Variants in FRMD3 observed in about 807,000 individuals in gnomAD.
FRMD3 encodes FERM domain containing 3, also known as FERM domain-containing protein 3.
A neutral mutation model predicts 70.2 loss-of-function variants in FRMD3; 33 were observed. That is an observed-to-expected ratio of 0.47 (90% CI 0.36 to 0.63). FRMD3 has a LOEUF of 0.63. Ranked by LOEUF, FRMD3 falls within the 20% of genes least tolerant of loss-of-function variation. The pLI, the probability that FRMD3 is intolerant of heterozygous loss-of-function variation, is 0.00. For synonymous variants in FRMD3, 279 were observed against 255.9 expected, an observed-to-expected ratio of 1.09 and a Z score of -0.86; for missense variants, 632 against 711.4, an observed-to-expected ratio of 0.89 and a Z score of 1.27.
intron 5 of FRMD3, among the ~76,000 whole-genome samples, chr9:83,342,150 C>G (rs1041671473): frequency 6.6e-6 from 1 of 151,950 alleles, no homozygotes; most frequent in Non-Finnish European, 1.5e-5. Flanking sequence ...ATCTGAGTCC[C>G]TCCAGCTGCC....
intron 6 of FRMD3, among the ~76,000 whole-genome samples, chr9:83,320,067 T>G (rs953378024): frequency 6.6e-6 from 1 of 152,234 alleles, no homozygotes; most frequent in East Asian, 1.9e-4. Flanking sequence ...GTAGCGATTT[T>G]AGGGTTTTCT....
At chr9:83,344,902 G>C (rs3860901) in intron 4 of FRMD3, among the ~76,000 whole-genome samples, 1 of 151,226 alleles carries the variant, frequency 6.6e-6, no homozygotes, top group African/African-American at 2.4e-5. Context: ...ACTAATAAAC[G>C]TCTCTAGCGC....
chr9:83,399,784 C>G (rs1028687155), intron 1 of FRMD3, among the ~76,000 whole-genome samples: 1 of 152,104 alleles, frequency 6.6e-6, no homozygotes, highest in Non-Finnish European at 1.5e-5. Context: ...TGATAAAGAA[C>G]GTCTACCACA....
chr9:83,544,732 T>C, the FRMD3 span, among the ~76,000 whole-genome samples: 2 of 152,146 alleles, frequency 1.3e-5, no homozygotes, highest in Non-Finnish European at 1.5e-5. Flanking sequence ...ACACCACTAC[T>C]ACAACCAGCA....
chr9:83,298,744 T>A lies in FRMD3; in HGVS notation c.1070+4A>T, dbSNP rs1301712885. ...CCTGGAACCCACAGTGATCATCCAC[T>A]CACCTGTGCACCTCAGGAGGCTCCC... On this transcript the variant is annotated splice_donor_region_variant and intron_variant, in intron 12 of 13. Coordinates refer to ENST00000304195, the MANE Select transcript of FRMD3 (RefSeq NM_174938.6). The A allele has an allele frequency of 1.9e-5, 30 of 1,613,480 alleles. No homozygotes were observed. The highest frequency in any genetic ancestry group is 2.3e-5 in the Non-Finnish European group (27 of 1,179,510).
intron 13 of FRMD3, among the ~76,000 whole-genome samples, chr9:83,284,993 C>T (rs1021846585): frequency 2.7e-5 from 4 of 146,714 alleles, no homozygotes; most frequent in Non-Finnish European, 4.5e-5. Flanking sequence ...GTTATGTGTT[C>T]GGGTGGAGGG....
chr9:83,468,235 C>G (rs1461773006), intron 1 of FRMD3, among the ~76,000 whole-genome samples: 2 of 152,140 alleles, frequency 1.3e-5, no homozygotes, highest in African/African-American at 2.4e-5. Flanking sequence ...AGGTCAGAAA[C>G]CATTCCTTTC....
Position 83,507,691 on chromosome 9 carries a change from C to CATAT in FRMD3, c.147+30390_147+30393dup, listed in dbSNP as rs34251863. Among the ~76,000 whole-genome samples the CATAT allele has an allele frequency of 5.9e-3, 288 of 49,106 alleles. 4 individuals are homozygous for CATAT. Among genetic ancestry groups the CATAT allele is most frequent in the Non-Finnish European group, 7.5e-3 (215 of 28,652 alleles). The allele number at this position is 49,106 out of a possible 152,430, so 32.2% of individuals were successfully genotyped here. On this transcript the variant is annotated intron_variant, in intron 1 of 13. Coordinates refer to ENST00000304195, the MANE Select transcript of FRMD3 (RefSeq NM_174938.6). ...TCTCAAACAAAAAAAAATATACATA[C>CATAT]ATATATATATATATATATATATATA...
chr9:83,280,954 C>T (rs1833956767), intron 13 of FRMD3, among the ~76,000 whole-genome samples: 1 of 152,218 alleles, frequency 6.6e-6, no homozygotes, highest in Non-Finnish European at 1.5e-5. Flanking sequence ...ACTCCCAAGA[C>T]TCAGCCTTGA....
chr9:83,342,959 C>A (rs1233306271), intron 5 of FRMD3, among the ~76,000 whole-genome samples: 1 of 152,160 alleles, frequency 6.6e-6, no homozygotes, highest in African/African-American at 2.4e-5. Context: ...GGATCTTGAG[C>A]AACTCTGTTT....
Position 83,247,301 on chromosome 9 carries a change from G to A in FRMD3, c.*617C>T. The A allele has an allele frequency of 1.0e-6, 1 of 983,906 alleles. No individual in the cohort carries two copies. The highest frequency in any genetic ancestry group is 1.2e-6 in the Non-Finnish European group (1 of 829,496). The allele number at this position is 983,906 out of a possible 1,614,324, so 60.9% of individuals were successfully genotyped here. A position where few individuals can be genotyped will look rare whatever the true frequency, so the allele number is the denominator to read the frequency against. On this transcript the variant is annotated 3_prime_UTR_variant, in exon 14 of 14. Coordinates refer to ENST00000304195, the MANE Select transcript of FRMD3 (RefSeq NM_174938.6). ...CAAAAATATTTTTAAAAACAAAGTA[G>A]CGCCAAAACATTAAAAAAATTCTGA...
chr9:83,459,780 C>G (rs960888257), intron 1 of FRMD3, among the ~76,000 whole-genome samples: 17 of 152,362 alleles, frequency 1.1e-4, no homozygotes, highest in South Asian at 1.0e-3. Context: ...ATATGACAGA[C>G]TGGGTGGCTC....
At chr9:83,315,265 T>C (rs1243617997) in intron 6 of FRMD3, among the ~76,000 whole-genome samples, 1 of 152,196 alleles carries the variant, frequency 6.6e-6, no homozygotes, top group African/African-American at 2.4e-5. Flanking sequence ...GTCTGTAATT[T>C]GTGGAGCTGA....
chr9:83,267,230 A>AG lies in FRMD3; in HGVS notation c.1196-18715dup, dbSNP rs982802503. The AG allele has an allele frequency of 2.6e-6, 4 of 1,530,370 alleles. No homozygotes were observed. The African/African-American group carries it at 5.5e-5, about 21-fold the overall frequency. 94.8% of individuals were successfully genotyped at this position (1,530,370 alleles called of 1,614,324 possible). A position where few individuals can be genotyped will look rare whatever the true frequency, so the allele number is the denominator to read the frequency against. On this transcript the variant is annotated intron_variant, in intron 13 of 13. Coordinates refer to ENST00000304195, the MANE Select transcript of FRMD3 (RefSeq NM_174938.6). ...CCATTCTGTTTTAAAGGACCTAGGC[A>AG]GGACCCACTGAATGAATCAAATGTC...
At chr9:83,500,999 C>T (rs1445982935) in intron 1 of FRMD3, among the ~76,000 whole-genome samples, 1 of 152,200 alleles carries the variant, frequency 6.6e-6, no homozygotes, top group East Asian at 1.9e-4. Flanking sequence ...ATGCGAAATA[C>T]ATTATGTCCA....
rs1368150404 is a variant in FRMD3, at chr9:83,365,935, T to A, written c.295+6978A>T. Among the ~76,000 whole-genome samples, 3 of 152,112 alleles carry A rather than the reference T, an allele frequency of 2.0e-5. No homozygotes were observed. The East Asian group carries it at 5.8e-4, about 29-fold the overall frequency. ...GGACAGTGTCTAGAGACTTGCATCC[T>A]AAGGCCATGGCAGGAACCACTGGCC... On this transcript the variant is annotated intron_variant, in intron 3 of 13. Transcript: ENST00000304195.
intron 13 of FRMD3, among the ~76,000 whole-genome samples, chr9:83,265,261 G>A (rs1036863749): frequency 2.6e-5 from 4 of 151,888 alleles, no homozygotes; most frequent in African/African-American, 9.7e-5. Flanking sequence ...TTAGCCGGGC[G>A]TGGTGGCAGG....
At chr9:83,357,909 C>T (rs2131214407) in intron 3 of FRMD3, among the ~76,000 whole-genome samples, 1 of 152,222 alleles carries the variant, frequency 6.6e-6, no homozygotes, top group South Asian at 2.1e-4. Context: ...ATTTTTTGTG[C>T]AGGAGTTTTT....
At chr9:83,509,262 C>T (rs575158310) in intron 1 of FRMD3, among the ~76,000 whole-genome samples, 2 of 152,122 alleles carry the variant, frequency 1.3e-5, no homozygotes, top group Non-Finnish European at 2.9e-5. Context: ...GCTACACTGA[C>T]CTATTTTACA....
Sources: gnomAD v4.1 joint callset for allele counts (sites outside exome capture counted in the v4.1 genomes callset) on GRCh38, gnomAD v4.1.1 for gene constraint, MANE v1.5 for transcripts, NCBI Gene and HGNC (gene_info 2026-07-23, HGNC 2026-07-21) for gene names.